Variants in NLGN2 observed in about 807,000 individuals in gnomAD.
NLGN2 encodes neuroligin 2.
A neutral mutation model predicts 48.6 loss-of-function variants in NLGN2; 11 were observed. That is an observed-to-expected ratio of 0.23 (90% CI 0.14 to 0.37). The LOEUF (loss-of-function observed/expected upper bound fraction) is 0.37. NLGN2 is among the 10% of genes least tolerant of loss of function. The probability of loss-of-function intolerance (pLI) is 1.00; values close to 1 mark genes in which losing one functional copy is unlikely to be tolerated. For synonymous variants in NLGN2, 548 were observed against 550.0 expected, an observed-to-expected ratio of 1.00 and a Z score of 0.05; for missense variants, 801 against 1,225.2, an observed-to-expected ratio of 0.65 and a Z score of 5.17.
At chr17:7,412,234 T>C in intron 2 of NLGN2, 27 bp downstream of exon 2, 1 of 1,599,354 alleles carries the variant, frequency 6.3e-7, no homozygotes, top group Non-Finnish European at 8.6e-7. Flanking sequence ...CGCTGCTGCA[T>C]GTGGTTGCTT....
Position 7,414,709 on chromosome 17 carries a change from C to G in NLGN2, c.705C>G (p.Leu235=). 6.2e-7 allele frequency: 1 copy of G among 1,614,216 alleles called. No individual in the cohort carries two copies. The highest frequency in any genetic ancestry group is 2.2e-5 in the East Asian group (1 of 44,888). ...AGGCTGCAAAAGGCAACTATGGGCT[C>G]CTGGACCAGATCCAGGCCCTGCGCT... The part of the protein sequence containing the change: ...GDQAAKGNYG[L]LDQIQALRWL... The change falls in exon 4 of 7, where the codon CTC becomes CTG. Residue 235 remains leucine, a synonymous_variant. Coordinates refer to ENST00000302926, the MANE Select transcript of NLGN2 (RefSeq NM_020795.4).
At position 7,408,930 on chromosome 17, in the gene NLGN2, G is replaced by A. The variant is rs72842813; in HGVS notation, c.457+218G>A. 0.02 allele frequency among the ~76,000 whole-genome samples: 3,088 copies of A among 152,218 alleles called. 40 individuals carry two copies. The highest frequency in any genetic ancestry group is 0.032 in the Non-Finnish European group (2,173 of 67,976). On this transcript the variant is annotated intron_variant, in intron 1 of 6. Coordinates refer to ENST00000302926, the MANE Select transcript of NLGN2 (RefSeq NM_020795.4). The surrounding 1 kb of genome is among the most constrained non-coding windows in gnomAD (Gnocchi z 7.5). The stretch of plus-strand genomic sequence containing the variant: ...CACTCTGCAGACAGCCTCTCCATAA[G>A]TTCTTTACGCCCATGGGGGGCCATG...
chr17:7,414,491 T>C lies in NLGN2; in HGVS notation c.656T>C (p.Leu219Pro), dbSNP rs1231314080. 6.2e-7 allele frequency: 1 copy of C among 1,612,280 alleles called. No individual in the cohort carries two copies. Residue 219 changes from leucine (L) to proline (P), a missense_variant and splice_region_variant, in exon 3 of 7, where the codon CTC (leucine) becomes CCC (proline). Leu to Pro is a moderately conservative substitution (Grantham distance 98, BLOSUM62 -3). Coordinates refer to ENST00000302926, the MANE Select transcript of NLGN2 (RefSeq NM_020795.4). ...ACGCTCAACTACCGTCTTGGGGTGC[T>C]CGGTGAGGGTGGGCAGCCAACTCTG... ...VATLNYRLGV[L>P]GFLSTGDQAA...
Position 7,414,940 on chromosome 17 carries a change from C to T in NLGN2, c.845-16C>T, listed in dbSNP as rs753781005. Reference sequence around the variant, plus strand: ...CGGTACTCACAGCCTGGCCTGAGGTCTGCCTGTCCCGCCAGGGCTGTTCCA... The same window carrying T: ...CGGTACTCACAGCCTGGCCTGAGGTTTGCCTGTCCCGCCAGGGCTGTTCCA... On this transcript the variant is annotated splice_polypyrimidine_tract_variant and intron_variant, in intron 4 of 6. Transcript: ENST00000302926. 28 of 1,612,856 alleles carry T rather than the reference C, an allele frequency of 1.7e-5. No individual in the cohort carries two copies. Among genetic ancestry groups the T allele is most frequent in the African/African-American group, 2.7e-5 (2 of 74,940 alleles).
In NLGN2 at chr17:7,417,575, C is replaced by T. The variant is rs1567663166; in HGVS notation, c.2284C>T (p.Arg762Cys). Residue 762 changes from arginine (R) to cysteine (C), a missense_variant, in exon 7 of 7, where the codon CGC becomes TGC. Physicochemically the swap from Arg to Cys is radical, Grantham distance 180. Around this residue, in one of 5 missense-constraint regions of NLGN2, gnomAD observed 276 missense variants for 313.9 expected, o/e 0.88. Transcript: ENST00000302926. ...CGGGGCGGACCCTGCCGAGGCTCTG[C>T]GCCCTGCCTGCCCGCCCGACTACAC... ...GVGADPAEAL[R>C]PACPPDYTLA... 3.5e-6 allele frequency: 5 copies of T among 1,434,918 alleles called. No individual in the cohort carries two copies. The highest frequency in any genetic ancestry group is 2.7e-5 in the Admixed American group (1 of 36,592). 88.9% of individuals were successfully genotyped at this position (1,434,918 alleles called of 1,614,324 possible). A position where few individuals can be genotyped will look rare whatever the true frequency, so the allele number is the denominator to read the frequency against.
rs1449187314 is a variant in NLGN2 at position 7,411,542 on chromosome 17, C to T, written c.458-615C>T. The stretch of plus-strand genomic sequence containing the variant: ...TAGCCCTCCAGTGGGGAGCGGAAGG[C>T]TTCTGGGGCTGAGCTGTGGGGCAGG... On this transcript the variant is annotated intron_variant, in intron 1 of 6. Transcript: ENST00000302926. The surrounding 1 kb of genome is among the most constrained non-coding windows in gnomAD (Gnocchi z 4.5). 1.3e-5 allele frequency among the ~76,000 whole-genome samples: 2 copies of T among 152,228 alleles called. No homozygotes were observed. Among genetic ancestry groups the T allele is most frequent in the Non-Finnish European group, 2.9e-5 (2 of 68,042 alleles).
Position 7,410,817 on chromosome 17 carries a change from C to T in NLGN2, c.458-1340C>T, listed in dbSNP as rs535018376. Among the ~76,000 whole-genome samples, 34 of 151,268 alleles carry T rather than the reference C, an allele frequency of 2.2e-4. 1 individual carries two copies. In the South Asian group the frequency reaches 6.8e-3, roughly 30 times the overall value. On this transcript the variant is annotated intron_variant, in intron 1 of 6. Coordinates refer to ENST00000302926, the MANE Select transcript of NLGN2 (RefSeq NM_020795.4). ...TGGGAGGAAGAGGTTGACTCAGGCGCGCGCGCGCACACACACACGCGCTTC... is the reference window on the plus strand; with the variant it reads ...TGGGAGGAAGAGGTTGACTCAGGCGTGCGCGCGCACACACACACGCGCTTC...
At position 7,408,648 on chromosome 17, in the gene NLGN2, C is replaced by T; in HGVS notation, c.393C>T (p.Ala131=). The change falls in exon 1 of 7, where the codon GCC becomes GCT. Residue 131 remains alanine, a synonymous_variant. Coordinates refer to ENST00000302926, the MANE Select transcript of NLGN2 (RefSeq NM_020795.4). The surrounding 1 kb of genome is among the most constrained non-coding windows in gnomAD (Gnocchi z 7.5). The part of the protein sequence containing the change: ...VWFTDNLEAA[A]TYVQNQSEDC... The stretch of plus-strand genomic sequence containing the variant: ...TCACCGACAACTTGGAGGCGGCCGC[C>T]ACCTACGTGCAGAACCAGAGCGAGG... The T allele has an allele frequency of 6.2e-7, 1 of 1,612,830 alleles. No individual in the cohort carries two copies. The highest frequency in any genetic ancestry group is 8.5e-7 in the Non-Finnish European group (1 of 1,179,712).
chr17:7,416,136 G>A, intron 6 of NLGN2, 29 bp downstream of exon 6: 3 of 1,468,382 alleles, frequency 2.0e-6, no homozygotes, highest in Non-Finnish European at 2.9e-6. Context: ...GGGCGGGGCT[G>A]GGCGGGGCCC....
At chr17:7,412,283 C>T in intron 2 of NLGN2, 76 bp downstream of exon 2, 3 of 1,090,034 alleles carry the variant, frequency 2.8e-6, no homozygotes, top group East Asian at 4.7e-5. Flanking sequence ...CACTAAATGT[C>T]CCCACAGCCC....
chr17:7,412,958 G>A (rs749158073), intron 2 of NLGN2, among the ~76,000 whole-genome samples: 7 of 150,654 alleles, frequency 4.6e-5, no homozygotes, highest in East Asian at 1.9e-4. Context: ...AATTCTTGTC[G>A]CCCCAGCCCC....
intron 1 of NLGN2, among the ~76,000 whole-genome samples, chr17:7,409,096 C>G (rs1210382203): frequency 6.6e-6 from 1 of 152,106 alleles, no homozygotes; most frequent in Non-Finnish European, 1.5e-5. Flanking sequence ...CCTTGCCCCG[C>G]CTCCCGCCGC....
chr17:7,410,196 C>T (rs1446860659), intron 1 of NLGN2, among the ~76,000 whole-genome samples: 1 of 149,338 alleles, frequency 6.7e-6, no homozygotes, highest in Non-Finnish European at 1.5e-5. Context: ...CTGCCAAACA[C>T]GGAACATCTC....
chr17:7,416,250 T>C (rs748428367), intron 6 of NLGN2, 143 bp downstream of exon 6: 6 of 698,496 alleles, frequency 8.6e-6, no homozygotes, highest in Admixed American at 2.1e-5. Context: ...AGGCACGGAG[T>C]TGAGCGTTGG....
rs1034508078 is a variant in NLGN2, at chr17:7,407,968, G to C, written c.-288G>C. On this transcript the variant is annotated 5_prime_UTR_variant, in exon 1 of 7. Coordinates refer to ENST00000302926, the MANE Select transcript of NLGN2 (RefSeq NM_020795.4). Reference sequence around the variant, plus strand: ...TCTGTATTTTTCTGTCTGTCCGTCTGTCTGTATCCTGCCTCCCTGCCCCTC... The same window carrying C: ...TCTGTATTTTTCTGTCTGTCCGTCTCTCTGTATCCTGCCTCCCTGCCCCTC... 6.9e-6 allele frequency: 2 copies of C among 290,948 alleles called. No individual in the cohort carries two copies. Among genetic ancestry groups the C allele is most frequent in the African/African-American group, 4.4e-5 (2 of 45,224 alleles). The allele number at this position is 290,948 out of a possible 1,614,324, so 18.0% of individuals were successfully genotyped here.
chr17:7,412,708 G>A (rs77983244), intron 2 of NLGN2, among the ~76,000 whole-genome samples: 11,003 of 151,676 alleles, frequency 0.073, 419 homozygotes, highest in South Asian at 0.12. Flanking sequence ...GCAAACATTC[G>A]AAGTGAATTA....
chr17:7,408,212 AG>A lies in NLGN2; in HGVS notation c.-34del, dbSNP rs749995574. The A allele has an allele frequency of 0.14, 106,543 of 735,042 alleles. 21 individuals are homozygous for A. Among genetic ancestry groups the A allele is most frequent in the East Asian group, 0.22 (3,588 of 16,258 alleles). 45.5% of individuals were successfully genotyped at this position (735,042 alleles called of 1,614,324 possible). A position where few individuals can be genotyped will look rare whatever the true frequency, so the allele number is the denominator to read the frequency against. On this transcript the variant is annotated 5_prime_UTR_variant, in exon 1 of 7. Coordinates refer to ENST00000302926, the MANE Select transcript of NLGN2 (RefSeq NM_020795.4). The surrounding 1 kb of genome is among the most constrained non-coding windows in gnomAD (Gnocchi z 7.5). ...TCTCCCCCCCTTCTCTCTCTCTCCG[AG>A]GGGGGGGGGTCCCAGGGAGGGAGGG...
chr17:7,418,794 C>G lies in NLGN2; in HGVS notation c.*995C>G, dbSNP rs1907259623. On this transcript the variant is annotated 3_prime_UTR_variant, in exon 7 of 7. Transcript: ENST00000302926. ...CAACGTGCCCCCCGCAGAGGCCACG[C>G]ATGTTTGACCAAAGCCCTCATTGTG... 1 of 152,618 alleles carries G rather than the reference C, an allele frequency of 6.6e-6. No individual in the cohort carries two copies. Among genetic ancestry groups the G allele is most frequent in the Non-Finnish European group, 1.5e-5 (1 of 68,118 alleles). The allele number at this position is 152,618 out of a possible 1,614,324, so 9.5% of individuals were successfully genotyped here.
At position 7,419,705 on chromosome 17, in the gene NLGN2, C is replaced by A. The variant is rs1363910056; in HGVS notation, c.*1906C>A. ...GGGGCATGGGAGGGGGGCTGGGGGA[C>A]CCCATGATTCAGCCACGGACTCCAA... On this transcript the variant is annotated 3_prime_UTR_variant, in exon 7 of 7. Transcript: ENST00000302926. The A allele has an allele frequency of 1.3e-5, 2 of 152,416 alleles. No homozygotes were observed. Among genetic ancestry groups the A allele is most frequent in the Non-Finnish European group, 2.9e-5 (2 of 68,262 alleles). The allele number at this position is 152,416 out of a possible 1,614,324, so 9.4% of individuals were successfully genotyped here.
Sources: allele counts gnomAD v4.1 joint callset (sites outside exome capture counted in the v4.1 genomes callset), GRCh38; gene constraint gnomAD v4.1.1; regional missense constraint gnomAD v4.1.1; non-coding constraint Gnocchi (gnomAD v3.1); transcripts MANE v1.5; gene names NCBI Gene and HGNC (gene_info 2026-07-23, HGNC 2026-07-21).